Variants in PTPRB observed in about 807,000 individuals in gnomAD.
PTPRB encodes the protein receptor-type tyrosine-protein phosphatase beta.
Under a neutral mutation model 238.1 loss-of-function variants are expected in PTPRB, and 97 were observed. The ratio of observed to expected loss-of-function variants is 0.41; its 90% CI spans 0.35 to 0.48. The LOEUF (loss-of-function observed/expected upper bound fraction) is 0.48, where lower values mean the gene tolerates loss of function less well. PTPRB is among the 20% of genes least tolerant of loss of function. The pLI is 0.30. For missense variants in PTPRB, 2,292 were observed against 2,681.9 expected (o/e 0.85, Z 3.21); for synonymous variants, 970 against 995.4 (o/e 0.97, Z 0.48).
intron 20 of PTPRB, 143 bp downstream of exon 20, chr12:70,555,017 T>C: frequency 1.1e-6 from 1 of 897,840 alleles, no homozygotes; most frequent in Non-Finnish European, 1.7e-6. Context: ...CATCTCCCTG[T>C]ATCCAGCAGA....
Position 70,560,809 on chromosome 12 carries a change from T to C in PTPRB, c.4294A>G (p.Thr1432Ala). 1 of 1,613,994 alleles carries C rather than the reference T, an allele frequency of 6.2e-7. No individual in the cohort carries two copies. Residue 1432 changes from threonine to alanine, a missense_variant, in exon 17 of 34, where the codon ACA (threonine) becomes GCA (alanine). Transcript: ENST00000334414. This position sits in a 1 kb window ranked among gnomAD's most constrained non-coding sequence, Gnocchi z 4.2. ...YELILYNPNGTKKENWKDKDL... is the reference protein window; with the variant it reads ...YELILYNPNGAKKENWKDKDL... ...TTGTCTTTCCAGTTTTCCTTCTTTG[T>C]GCCATTGGGATTATAGAGAATCAGC...
chr12:70,528,863 G>T (rs576609267), intron 32 of PTPRB, among the ~76,000 whole-genome samples: 6 of 151,906 alleles, frequency 3.9e-5, no homozygotes, highest in Non-Finnish European at 8.8e-5. Context: ...AAATGAAACT[G>T]GAAGGTGCAA....
chr12:70,602,371 A>G (rs112705877), intron 4 of PTPRB, among the ~76,000 whole-genome samples: 3 of 152,218 alleles, frequency 2.0e-5, no homozygotes, highest in Non-Finnish European at 4.4e-5. Context: ...TTTAATATCA[A>G]TAACTGAGGC....
At chr12:70,539,761 C>G in intron 25 of PTPRB, 55 bp from the exon 26 acceptor site, 1 of 1,592,806 alleles carries the variant, frequency 6.3e-7, no homozygotes, top group Non-Finnish European at 8.6e-7. Context: ...AGGGAAAGTG[C>G]CATAACTATT....
At chr12:70,538,070 A>T in intron 28 of PTPRB, 85 bp downstream of exon 28, 1 of 1,128,714 alleles carries the variant, frequency 8.9e-7, no homozygotes, top group Admixed American at 2.3e-5. Flanking sequence ...ACCTAAGAAT[A>T]ACAGGAACAT....
At position 70,622,611 on chromosome 12, in the gene PTPRB, T is replaced by C; in HGVS notation, c.487A>G (p.Arg163Gly). The C allele has an allele frequency of 1.3e-6, 2 of 1,582,984 alleles. No homozygotes were observed. Among genetic ancestry groups the C allele is most frequent in the Non-Finnish European group, 8.6e-7 (1 of 1,162,500 alleles). The part of the protein sequence containing the change: ...LGAEVSVRST[R>G]NTAPPQILTT... Reference sequence around the variant, plus strand: ...AGAATCTGGGGTGGAGCCGTGTTTCTAGTGCTCCTCACCGAAACTTCTGCT... The same window carrying C: ...AGAATCTGGGGTGGAGCCGTGTTTCCAGTGCTCCTCACCGAAACTTCTGCT... Residue 163 changes from arginine (R) to glycine (G), a missense_variant, in exon 3 of 34, where the codon AGA (arginine) becomes GGA (glycine). Arg to Gly is a moderately radical substitution (Grantham distance 125, BLOSUM62 -2). Coordinates refer to ENST00000334414, the MANE Select transcript of PTPRB (RefSeq NM_001109754.4).
At chr12:70,533,488 A>C (rs1245783526) in intron 31 of PTPRB, among the ~76,000 whole-genome samples, 4 of 152,188 alleles carry the variant, frequency 2.6e-5, no homozygotes, top group Non-Finnish European at 5.9e-5. Flanking sequence ...CCAGAGAGAG[A>C]GAGATTTCAC....
intron 3 of PTPRB, among the ~76,000 whole-genome samples, chr12:70,610,223 C>G (rs1884354315): frequency 6.6e-6 from 1 of 152,176 alleles, no homozygotes; most frequent in Non-Finnish European, 1.5e-5. Flanking sequence ...GGCCAAGCTG[C>G]CCCCGCTGCC....
At chr12:70,606,391 G>A (rs1439065133) in intron 4 of PTPRB, among the ~76,000 whole-genome samples, 2 of 152,044 alleles carry the variant, frequency 1.3e-5, no homozygotes, top group African/African-American at 4.8e-5. Flanking sequence ...TATCCTTAAG[G>A]TCGTGTCTAT....
intron 2 of PTPRB, among the ~76,000 whole-genome samples, chr12:70,626,618 CTA>C (rs368161784): frequency 5.4e-4 from 82 of 152,076 alleles, no homozygotes; most frequent in African/African-American, 1.9e-3. Context: ...TATTAGTAAT[CTA>C]GAGATAATTT....
intron 26 of PTPRB, 21 bp downstream of exon 26, chr12:70,539,604 T>G: frequency 6.7e-7 from 1 of 1,490,926 alleles, no homozygotes; most frequent in Non-Finnish European, 9.2e-7. Flanking sequence ...ATGCTGAAGC[T>G]TCATTCTGCC....
chr12:70,623,464 C>A (rs1885036622), intron 2 of PTPRB, among the ~76,000 whole-genome samples: 1 of 152,138 alleles, frequency 6.6e-6, no homozygotes, highest in Non-Finnish European at 1.5e-5. Context: ...ATGGTCAGAG[C>A]CAGCCTTTTT....
In PTPRB at chr12:70,571,207, A is replaced by G. The variant is rs750238104; in HGVS notation, c.3189T>C (p.Asp1063=). Residue 1063 remains aspartate (D), a synonymous_variant, in exon 13 of 34, where the codon GAT becomes GAC. Coordinates refer to ENST00000334414, the MANE Select transcript of PTPRB (RefSeq NM_001109754.4). ...GCAGCTGGATCTCATATTGGTCGAC[A>G]TCCCCATTAGCTCCTGACCAAGTCA... ...LHVTWSGANG[D]VDQYEIQLLF... 6.2e-7 allele frequency: 1 copy of G among 1,613,984 alleles called. No homozygotes were observed. The highest frequency in any genetic ancestry group is 1.1e-5 in the South Asian group (1 of 91,080).
chr12:70,614,140 G>A (rs530972072), intron 3 of PTPRB, among the ~76,000 whole-genome samples: 1 of 152,268 alleles, frequency 6.6e-6, no homozygotes, highest in African/African-American at 2.4e-5. Flanking sequence ...AAACTTACCA[G>A]CCTCACCACA....
In PTPRB at chr12:70,635,823, C is replaced by T. The variant is rs774271063; in HGVS notation, c.299G>A (p.Gly100Asp). Residue 100 changes from glycine to aspartate, a missense_variant, in exon 2 of 34, where the codon GGC becomes GAC. This residue lies in a region of PTPRB where 1,205 missense variants were observed against 1,287.8 expected (regional missense o/e 0.94). Transcript: ENST00000334414. ...APRWTCYDQE[G>D]FLEVENASLF... is the part of the protein sequence containing the mutation. ...AGAGGCATTTTCCACCTCAAGGAAG[C>T]CTTCCTGATCATAGCAGGTCCATCG... 6 of 1,613,570 alleles carry T rather than the reference C, an allele frequency of 3.7e-6. No homozygotes were observed. Among genetic ancestry groups the T allele is most frequent in the Non-Finnish European group, 5.1e-6 (6 of 1,179,726 alleles).
chr12:70,636,647 A>G (rs1885708519), intron 1 of PTPRB, among the ~76,000 whole-genome samples: 1 of 152,222 alleles, frequency 6.6e-6, no homozygotes, highest in Admixed American at 6.5e-5. Flanking sequence ...AGCTAATTGC[A>G]GCCAATGAAA....
At chr12:70,557,130 C>T (rs1397764108) in intron 18 of PTPRB, among the ~76,000 whole-genome samples, 1 of 152,068 alleles carries the variant, frequency 6.6e-6, no homozygotes, top group East Asian at 1.9e-4. Context: ...GACACTCTGC[C>T]AAGGTATCAC....
At chr12:70,630,249 C>A (rs1464294657) in intron 2 of PTPRB, among the ~76,000 whole-genome samples, 1 of 152,172 alleles carries the variant, frequency 6.6e-6, no homozygotes, top group Non-Finnish European at 1.5e-5. Context: ...CCCTGGGATG[C>A]AAGGCTGGTT....
intron 21 of PTPRB, among the ~76,000 whole-genome samples, chr12:70,550,050 G>T (rs1876649665): frequency 6.6e-6 from 1 of 152,186 alleles, no homozygotes; most frequent in Non-Finnish European, 1.5e-5. Flanking sequence ...TAGTAAAGAG[G>T]GCAGGTAATT....
Sources: allele counts gnomAD v4.1 joint callset (sites outside exome capture counted in the v4.1 genomes callset), GRCh38; gene constraint gnomAD v4.1.1; regional missense constraint gnomAD v4.1.1; non-coding constraint Gnocchi (gnomAD v3.1); transcripts MANE v1.5; gene names NCBI Gene and HGNC (gene_info 2026-07-23, HGNC 2026-07-21).